Variants in BTBD1 observed in about 807,000 individuals in gnomAD.
BTBD1 encodes the protein BTB domain containing 1.
Under a neutral mutation model 48.0 loss-of-function variants are expected in BTBD1, and 34 were observed. The ratio of observed to expected loss-of-function variants is 0.71; its 90% CI spans 0.54 to 0.94. The LOEUF is 0.94. Ranked by LOEUF, BTBD1 falls within the 40% of genes least tolerant of loss-of-function variation. The pLI is 0.00. For missense variants in BTBD1, 543 were observed against 625.6 expected, an observed-to-expected ratio of 0.87 and a Z score of 1.41; for synonymous variants, 261 against 242.1, an observed-to-expected ratio of 1.08 and a Z score of -0.72.
chr15:83,066,860 C>A lies in BTBD1; in HGVS notation c.292G>T (p.Ala98Ser). ...QRIPAHRFVL[A>S]AGSAVFDAMF... ...GCGTCAAAGACGGCGCTGCCGGCCG[C>A]CAGCACGAAGCGGTGGGCGGGGATG... Residue 98 changes from alanine to serine, a missense_variant, in exon 1 of 8, where the codon GCG becomes TCG. Around this residue, in one of 3 missense-constraint regions of BTBD1, gnomAD observed 173 missense variants for 163.9 expected, o/e 1.06. Coordinates refer to ENST00000261721, the MANE Select transcript of BTBD1 (RefSeq NM_025238.4). The A allele has an allele frequency of 6.8e-7, 1 of 1,462,552 alleles. No homozygotes were observed. Among genetic ancestry groups the A allele is most frequent in the Non-Finnish European group, 9.0e-7 (1 of 1,110,518 alleles). The allele number at this position is 1,462,552 out of a possible 1,614,324, so 90.6% of individuals were successfully genotyped here.
intron 2 of BTBD1, 21 bp downstream of exon 2, chr15:83,056,368 A>T (rs941067327): frequency 6.3e-7 from 1 of 1,584,076 alleles, no homozygotes; most frequent in African/African-American, 1.3e-5. Flanking sequence ...AATGATACAT[A>T]CCTTAGCTAC....
intron 3 of BTBD1, among the ~76,000 whole-genome samples, chr15:83,042,596 C>G (rs374822001): frequency 6.6e-5 from 10 of 152,026 alleles, no homozygotes; most frequent in African/African-American, 1.9e-4. Context: ...GTTGGCCAGC[C>G]TGGTCTCAAA....
chr15:83,030,787 G>C (rs117093359), intron 4 of BTBD1: 3,435 of 152,496 alleles, frequency 0.023, 58 homozygotes, highest in Middle Eastern at 0.041. Flanking sequence ...AAACTAAAAA[G>C]CTTCTGCATA....
chr15:83,066,477 A>G (rs2033273009), intron 1 of BTBD1, among the ~76,000 whole-genome samples: 1 of 152,226 alleles, frequency 6.6e-6, no homozygotes, highest in Non-Finnish European at 1.5e-5. Context: ...GCGACAATCC[A>G]TAATTGGAAT....
At chr15:83,018,276 G>C in intron 7 of BTBD1, 51 bp from the exon 8 acceptor site, 1 of 1,368,326 alleles carries the variant, frequency 7.3e-7, no homozygotes, top group South Asian at 1.6e-5. Context: ...TAAGCACTCA[G>C]TTTAATGTGG....
At chr15:83,045,852 G>A (rs868819589) in intron 3 of BTBD1, among the ~76,000 whole-genome samples, 7 of 152,020 alleles carry the variant, frequency 4.6e-5, no homozygotes, top group Middle Eastern at 3.4e-3. Context: ...AACTTCCGCA[G>A]AGATAAACAC....
At chr15:83,055,882 C>A (rs2033072939) in intron 2 of BTBD1, among the ~76,000 whole-genome samples, 1 of 152,174 alleles carries the variant, frequency 6.6e-6, no homozygotes, top group Non-Finnish European at 1.5e-5. Context: ...CACAACACCC[C>A]ACTTATATGT....
At chr15:83,046,984 A>G (rs1024076719) in intron 3 of BTBD1, among the ~76,000 whole-genome samples, 2 of 152,198 alleles carry the variant, frequency 1.3e-5, no homozygotes, top group African/African-American at 4.8e-5. Flanking sequence ...GAGCCAGCCA[A>G]GATGGGAAGA....
intron 3 of BTBD1, among the ~76,000 whole-genome samples, chr15:83,049,336 T>C (rs1043272338): frequency 3.9e-5 from 6 of 152,168 alleles, no homozygotes; most frequent in Non-Finnish European, 2.9e-5. Flanking sequence ...GGAGAACATG[T>C]AAACCCTACA....
chr15:83,030,609 C>CAAAA (rs1596428019), intron 4 of BTBD1: 1 of 296,456 alleles, frequency 3.4e-6, no homozygotes, highest in East Asian at 7.5e-5. Flanking sequence ...TCACCTTATA[C>CAAAA]AAAAATCAAC....
intron 1 of BTBD1, among the ~76,000 whole-genome samples, chr15:83,066,084 G>A (rs2033263647): frequency 6.6e-6 from 1 of 152,072 alleles, no homozygotes; most frequent in Non-Finnish European, 1.5e-5. Context: ...TTGACCCCAG[G>A]AGTCCGAGAC....
intron 3 of BTBD1, among the ~76,000 whole-genome samples, chr15:83,046,872 C>T (rs1036205930): frequency 1.3e-5 from 2 of 152,088 alleles, no homozygotes; most frequent in African/African-American, 2.4e-5. Context: ...GATGTTAGAA[C>T]AGAGGAATAT....
At chr15:83,022,835 ACCGTAGTC>A (rs140426779) in intron 5 of BTBD1, among the ~76,000 whole-genome samples, 3,416 of 152,034 alleles carry the variant, frequency 0.022, 56 homozygotes, top group Middle Eastern at 0.041. Flanking sequence ...GGTGGTGTGC[ACCGTAGTC>A]CCAGCTACTC....
chr15:83,066,661 C>T (rs1814378439), intron 1 of BTBD1, 90 bp downstream of exon 1: 1 of 1,256,010 alleles, frequency 8.0e-7, no homozygotes. Flanking sequence ...CAAGGTCATC[C>T]GGGAGTCCGG....
intron 2 of BTBD1, among the ~76,000 whole-genome samples, chr15:83,053,390 A>G (rs973238972): frequency 6.6e-6 from 1 of 152,050 alleles, no homozygotes; most frequent in Non-Finnish European, 1.5e-5. Context: ...GACCAATAAG[A>G]TACTGAAAAG....
chr15:83,020,401 T>C (rs2032270879), intron 6 of BTBD1: 1 of 295,658 alleles, frequency 3.4e-6, no homozygotes, highest in Non-Finnish European at 6.2e-6. Flanking sequence ...AGGAGGATGT[T>C]TTAAGACTGC....
At position 83,030,020 on chromosome 15, in the gene BTBD1, G is replaced by A. The variant is rs142527021; in HGVS notation, c.1055+116C>T. ...TCCTATATTAACTTAACTTAAAAGT[G>A]TATTAAATGAAGTATAAAATGAAAT... is the stretch of plus-strand genomic sequence containing the variant. On this transcript the variant is annotated intron_variant, in intron 5 of 7. Coordinates refer to ENST00000261721, the MANE Select transcript of BTBD1 (RefSeq NM_025238.4). The A allele has an allele frequency of 8.0e-3, 7,732 of 965,884 alleles. 32 individuals carry two copies. Among genetic ancestry groups the A allele is most frequent in the Non-Finnish European group, 0.011 (6,783 of 617,558 alleles). 59.8% of individuals were successfully genotyped at this position (965,884 alleles called of 1,614,324 possible).
chr15:83,048,001 C>A (rs1015815760), intron 3 of BTBD1, among the ~76,000 whole-genome samples: 1 of 152,112 alleles, frequency 6.6e-6, no homozygotes, highest in African/African-American at 2.4e-5. Flanking sequence ...AGCAAGACTG[C>A]ATGAAAGGAG....
chr15:83,023,535 A>G (rs2032342222), intron 5 of BTBD1, among the ~76,000 whole-genome samples: 1 of 152,004 alleles, frequency 6.6e-6, no homozygotes, highest in Non-Finnish European at 1.5e-5. Flanking sequence ...GCATGCCACT[A>G]CATGCTGCTA....
Sources: allele counts gnomAD v4.1 joint callset (sites outside exome capture counted in the v4.1 genomes callset), GRCh38; gene constraint gnomAD v4.1.1; regional missense constraint gnomAD v4.1.1; transcripts MANE v1.5; gene names NCBI Gene and HGNC (gene_info 2026-07-23, HGNC 2026-07-21).